The following RELN variants were observed in gnomAD, a reference collection of about 807,000 sequenced individuals.
The protein encoded by RELN is reelin.
In RELN, 108 loss-of-function variants were observed where a neutral mutation model predicts 427.6. The ratio of observed to expected loss-of-function variants is 0.25; its 90% confidence interval spans 0.22 to 0.30. The LOEUF (loss-of-function observed/expected upper bound fraction) is 0.30, where lower values mean the gene tolerates loss of function less well. Among genes scored for constraint, RELN ranks in the 10% least tolerant of loss-of-function variants. The pLI is 1.00. For missense variants in RELN, 3,715 were observed against 4,302.8 expected (o/e 0.86, Z 3.82); for synonymous variants, 1,524 against 1,513.4 (o/e 1.01, Z -0.16).
At chr7:103,746,195 G>C (rs914327160) in intron 6 of RELN, among the ~76,000 whole-genome samples, 3 of 152,108 alleles carry the variant, frequency 2.0e-5, no homozygotes, top group Non-Finnish European at 4.4e-5. Context: ...AAATGGTGCT[G>C]GGAAAACTGG....
At chr7:103,972,300 G>A (rs376570472) in intron 1 of RELN, among the ~76,000 whole-genome samples, 161 of 152,272 alleles carry the variant, frequency 1.1e-3, no homozygotes, top group Non-Finnish European at 1.7e-3. Flanking sequence ...TTCCATTCAC[G>A]TCTGCATGCA....
At chr7:103,727,375 A>G (rs1327329245) in intron 7 of RELN, among the ~76,000 whole-genome samples, 1 of 152,154 alleles carries the variant, frequency 6.6e-6, no homozygotes, top group Non-Finnish European at 1.5e-5. Context: ...GAGACAGGAT[A>G]TAACAATTGC....
At chr7:103,655,601 T>G (rs1426942993) in intron 12 of RELN, among the ~76,000 whole-genome samples, 5 of 152,046 alleles carry the variant, frequency 3.3e-5, no homozygotes, top group African/African-American at 1.2e-4. Context: ...GGTCTGATCT[T>G]GGGGAGAAAT....
At chr7:103,876,514 T>C (rs560697346) in intron 2 of RELN, among the ~76,000 whole-genome samples, 2 of 152,134 alleles carry the variant, frequency 1.3e-5, no homozygotes, top group Non-Finnish European at 2.9e-5. Flanking sequence ...ATGTTATTAC[T>C]AACATTAAGC....
chr7:103,951,364 G>A (rs1400418533), intron 1 of RELN, among the ~76,000 whole-genome samples: 2 of 152,142 alleles, frequency 1.3e-5, no homozygotes, highest in African/African-American at 4.8e-5. Context: ...ATTTTGGAAG[G>A]GAAATAAATG....
chr7:103,695,763 C>G (rs1194780833), intron 10 of RELN, among the ~76,000 whole-genome samples: 1 of 152,144 alleles, frequency 6.6e-6, no homozygotes, highest in Non-Finnish European at 1.5e-5. Flanking sequence ...TGAACAATGA[C>G]AGCAGAAATT....
chr7:103,779,877 G>A (rs1043552737), intron 3 of RELN, among the ~76,000 whole-genome samples: 10 of 152,114 alleles, frequency 6.6e-5, no homozygotes, highest in Non-Finnish European at 8.8e-5. Flanking sequence ...ACAGGCCTGC[G>A]CCGCCATGCC....
intron 8 of RELN, among the ~76,000 whole-genome samples, chr7:103,715,644 C>G (rs898742031): frequency 3.3e-5 from 5 of 152,180 alleles, no homozygotes; most frequent in Non-Finnish European, 5.9e-5. Context: ...GCCTTTCTCC[C>G]TTCCAGTCCT....
chr7:103,604,464 G>T lies in RELN; in HGVS notation c.3028C>A (p.Arg1010Ser), dbSNP rs375752077. The T allele has an allele frequency of 6.2e-7, 1 of 1,613,912 alleles. No homozygotes were observed. Among genetic ancestry groups the T allele is most frequent in the Admixed American group, 1.7e-5 (1 of 59,990 alleles). ...GCTGTGTAATAGCTCTGGCTCCAGC[G>T]GAAACGGGTAGCACTGGACCTAGAA... is the stretch of plus-strand genomic sequence containing the variant. Reference protein sequence around the residue: ...QKTWSSATRFRWSQSYYTAQD... With the variant: ...QKTWSSATRFSWSQSYYTAQD... Residue 1010 changes from arginine to serine, a missense_variant, in exon 23 of 65, where the codon CGC becomes AGC. Around this residue, in one of 4 missense-constraint regions of RELN, gnomAD observed 2,208 missense variants for 2,361.7 expected, o/e 0.93. Coordinates refer to ENST00000428762, the MANE Select transcript of RELN (RefSeq NM_005045.4).
chr7:103,752,189 T>A (rs1791019838), intron 5 of RELN, among the ~76,000 whole-genome samples: 1 of 152,208 alleles, frequency 6.6e-6, no homozygotes, highest in Non-Finnish European at 1.5e-5. Flanking sequence ...TTAATTCTAC[T>A]TTGCAGATGA....
intron 2 of RELN, among the ~76,000 whole-genome samples, chr7:103,868,602 A>G (rs1794255848): frequency 6.6e-6 from 1 of 152,050 alleles, no homozygotes; most frequent in Admixed American, 6.6e-5. Context: ...GGACTAAACA[A>G]CAATAATAAT....
At chr7:103,917,949 G>A (rs997230574) in intron 1 of RELN, among the ~76,000 whole-genome samples, 1 of 152,008 alleles carries the variant, frequency 6.6e-6, no homozygotes, top group African/African-American at 2.4e-5. Context: ...CTCCTGCATA[G>A]GTTTTATAAG....
chr7:103,525,465 C>T (rs1330907134), intron 46 of RELN, among the ~76,000 whole-genome samples: 6 of 152,134 alleles, frequency 3.9e-5, no homozygotes, highest in Non-Finnish European at 5.9e-5. Context: ...CCAGGAAGTT[C>T]GTATCCAGGG....
intron 2 of RELN, among the ~76,000 whole-genome samples, chr7:103,855,835 A>T (rs1196407289): frequency 1.3e-5 from 2 of 152,134 alleles, no homozygotes; most frequent in African/African-American, 4.8e-5. Context: ...GACATCAATC[A>T]CATTGGATTA....
intron 8 of RELN, among the ~76,000 whole-genome samples, chr7:103,705,380 T>C (rs1359785989): frequency 1.3e-5 from 2 of 152,130 alleles, no homozygotes. Flanking sequence ...CACTTTCGTG[T>C]TTAGGAAGAA....
intron 3 of RELN, among the ~76,000 whole-genome samples, chr7:103,815,792 A>G (rs1692664763): frequency 6.6e-6 from 1 of 152,230 alleles, no homozygotes; most frequent in African/African-American, 2.4e-5. Context: ...TCTTATAGAC[A>G]TGAATTGTCC....
chr7:103,653,871 ACTGTAATT>A (rs1476520599), intron 13 of RELN, among the ~76,000 whole-genome samples: 1 of 152,064 alleles, frequency 6.6e-6, no homozygotes, highest in Non-Finnish European at 1.5e-5. Context: ...TGTCTGATGG[ACTGTAATT>A]CACTCTTCCT....
intron 16 of RELN, among the ~76,000 whole-genome samples, chr7:103,641,770 T>C (rs1214843421): frequency 6.6e-6 from 1 of 152,166 alleles, no homozygotes; most frequent in Non-Finnish European, 1.5e-5. Context: ...TCCTGTTGCT[T>C]TGATGTGCTC....
At chr7:103,903,186 T>TA (rs1204724417) in intron 2 of RELN, among the ~76,000 whole-genome samples, 6 of 151,926 alleles carry the variant, frequency 3.9e-5, no homozygotes, top group Non-Finnish European at 4.4e-5. Flanking sequence ...TGTCTCCTGT[T>TA]AAAATGAACA....
Sources: gnomAD v4.1 joint callset for allele counts (sites outside exome capture counted in the v4.1 genomes callset) on GRCh38, gnomAD v4.1.1 for gene constraint, gnomAD v4.1.1 regional missense constraint, MANE v1.5 for transcripts, NCBI Gene and HGNC (gene_info 2026-07-23, HGNC 2026-07-21) for gene names.